Variants in HCN1 observed in about 807,000 individuals in gnomAD.
HCN1 encodes the protein hyperpolarization activated cyclic nucleotide gated potassium channel 1, also known as potassium/sodium hyperpolarization-activated cyclic nucleotide-gated channel 1.
A neutral mutation model predicts 78.9 loss-of-function variants in HCN1; 13 were observed. The observed-to-expected ratio is 0.16, with a 90% confidence interval of 0.11 to 0.26. The LOEUF (loss-of-function observed/expected upper bound fraction) is 0.26, where lower values mean the gene tolerates loss of function less well. Ranked by LOEUF, HCN1 falls within the 10% of genes least tolerant of loss-of-function variation. The pLI is 1.00. For missense variants in HCN1, 810 were observed against 1,154.3 expected, an observed-to-expected ratio of 0.70 and a Z score of 4.32; for synonymous variants, 552 against 455.5, an observed-to-expected ratio of 1.21 and a Z score of -2.70.
chr5:45,437,045 T>G (rs368122333), intron 3 of HCN1, among the ~76,000 whole-genome samples: 1 of 152,224 alleles, frequency 6.6e-6, no homozygotes. Flanking sequence ...CATGTGTATA[T>G]GGCAAATCCA....
chr5:45,626,468 A>T (rs1745165960), intron 2 of HCN1, among the ~76,000 whole-genome samples: 1 of 152,158 alleles, frequency 6.6e-6, no homozygotes. Context: ...TACTAGAGAC[A>T]GAGTAGCAAA....
chr5:45,348,878 T>C (rs1746814356), intron 5 of HCN1, among the ~76,000 whole-genome samples: 2 of 152,064 alleles, frequency 1.3e-5, no homozygotes, highest in South Asian at 4.1e-4. Flanking sequence ...TAAAGCAAGT[T>C]CTGAGTGACC....
chr5:45,368,443 G>A (rs1458714687), intron 4 of HCN1, among the ~76,000 whole-genome samples: 7 of 151,890 alleles, frequency 4.6e-5, no homozygotes, highest in Non-Finnish European at 1.0e-4. Context: ...ATAAATAATG[G>A]AATAATTTGA....
chr5:45,473,354 G>T (rs1246076894), intron 2 of HCN1, among the ~76,000 whole-genome samples: 1 of 151,840 alleles, frequency 6.6e-6, no homozygotes, highest in East Asian at 1.9e-4. Flanking sequence ...CTCCAGTGCA[G>T]CTAGTTAAAA....
intron 3 of HCN1, among the ~76,000 whole-genome samples, chr5:45,450,845 G>T (rs1461405247): frequency 6.6e-6 from 1 of 152,130 alleles, no homozygotes; most frequent in Non-Finnish European, 1.5e-5. Flanking sequence ...TATCTCCTTT[G>T]CAAGAAATAG....
intron 5 of HCN1, among the ~76,000 whole-genome samples, chr5:45,324,825 T>C (rs1196346088): frequency 6.6e-6 from 1 of 151,642 alleles, no homozygotes; most frequent in Admixed American, 6.6e-5. Context: ...TACACGAAAT[T>C]TGTGAAAAAA....
At chr5:45,470,699 T>C (rs540791296) in intron 2 of HCN1, among the ~76,000 whole-genome samples, 1 of 152,084 alleles carries the variant, frequency 6.6e-6, no homozygotes, top group East Asian at 1.9e-4. Context: ...AAGCCTTATT[T>C]GTATAAGTTT....
intron 1 of HCN1, among the ~76,000 whole-genome samples, chr5:45,688,421 C>A (rs1377829591): frequency 6.6e-6 from 1 of 152,036 alleles, no homozygotes; most frequent in Non-Finnish European, 1.5e-5. Flanking sequence ...GTGTATTGGG[C>A]AGGGAAATGT....
chr5:45,580,365 G>C (rs1744037943), intron 2 of HCN1, among the ~76,000 whole-genome samples: 1 of 151,872 alleles, frequency 6.6e-6, no homozygotes, highest in Non-Finnish European at 1.5e-5. Context: ...ATTTCTCCTG[G>C]GGGTCACAAG....
At chr5:45,422,634 G>A (rs947319859) in intron 3 of HCN1, among the ~76,000 whole-genome samples, 5 of 152,124 alleles carry the variant, frequency 3.3e-5, no homozygotes, top group Admixed American at 2.0e-4. Flanking sequence ...ATTTGTGCAT[G>A]TAGACAGACA....
At chr5:45,549,555 C>A (rs1428742897) in intron 2 of HCN1, among the ~76,000 whole-genome samples, 1 of 152,102 alleles carries the variant, frequency 6.6e-6, no homozygotes, top group African/African-American at 2.4e-5. Context: ...TAGAAGAAAA[C>A]CTGTGCAATA....
At chr5:45,631,052 A>C (rs1745261801) in intron 2 of HCN1, among the ~76,000 whole-genome samples, 1 of 152,144 alleles carries the variant, frequency 6.6e-6, no homozygotes, top group African/African-American at 2.4e-5. Flanking sequence ...CTGGGACCAA[A>C]AACATCCATG....
intron 3 of HCN1, among the ~76,000 whole-genome samples, chr5:45,455,509 G>C (rs1212939493): frequency 6.6e-6 from 1 of 151,664 alleles, no homozygotes; most frequent in Non-Finnish European, 1.5e-5. Flanking sequence ...ATAATGTCTG[G>C]AACAAAGAAA....
At chr5:45,525,242 AAATTAT>A (rs1268763041) in intron 2 of HCN1, among the ~76,000 whole-genome samples, 1 of 151,972 alleles carries the variant, frequency 6.6e-6, no homozygotes, top group African/African-American at 2.4e-5. Flanking sequence ...ATTGAGAAAA[AAATTAT>A]TTAAGACAAT....
chr5:45,569,057 C>G (rs974901382), intron 2 of HCN1, among the ~76,000 whole-genome samples: 3 of 152,092 alleles, frequency 2.0e-5, no homozygotes, highest in African/African-American at 7.2e-5. Context: ...TCCTGCCCTA[C>G]ACCCAGAGGG....
intron 5 of HCN1, among the ~76,000 whole-genome samples, chr5:45,329,284 G>A (rs1011804332): frequency 2.6e-5 from 4 of 151,302 alleles, no homozygotes; most frequent in African/African-American, 9.7e-5. Context: ...CCCAGCCCCT[G>A]GTAACCTCTG....
At chr5:45,439,843 G>C (rs1475470053) in intron 3 of HCN1, among the ~76,000 whole-genome samples, 1 of 151,532 alleles carries the variant, frequency 6.6e-6, no homozygotes, top group African/African-American at 2.4e-5. Context: ...GAAGGAGACT[G>C]GCAGGAAGGT....
At chr5:45,354,046 A>C (rs1487148465) in intron 4 of HCN1, among the ~76,000 whole-genome samples, 1 of 151,800 alleles carries the variant, frequency 6.6e-6, no homozygotes, top group African/African-American at 2.4e-5. Context: ...ACACACACAC[A>C]CCCAGAGAGA....
chr5:45,460,234 AAT>A (rs1741118530), intron 3 of HCN1, among the ~76,000 whole-genome samples: 1 of 152,058 alleles, frequency 6.6e-6, no homozygotes, highest in African/African-American at 2.4e-5. Flanking sequence ...TGCTCTCATA[AAT>A]AGATTAAAGA....
Sources: gnomAD v4.1 joint callset for allele counts (sites outside exome capture counted in the v4.1 genomes callset) on GRCh38, gnomAD v4.1.1 for gene constraint, MANE v1.5 for transcripts, NCBI Gene and HGNC (gene_info 2026-07-23, HGNC 2026-07-21) for gene names.